Variants in PKNOX2 observed in about 807,000 individuals in gnomAD.
PKNOX2 encodes the protein PBX/knotted 1 homeobox 2.
A neutral mutation model predicts 53.1 loss-of-function variants in PKNOX2; 14 were observed. That is an observed-to-expected ratio of 0.26 (90% CI 0.17 to 0.41). The LOEUF (loss-of-function observed/expected upper bound fraction) is 0.41, where lower values mean the gene tolerates loss of function less well. PKNOX2 is among the 10% of genes least tolerant of loss of function. The pLI is 1.00. For synonymous variants in PKNOX2, 257 were observed against 242.8 expected, an observed-to-expected ratio of 1.06 and a Z score of -0.54; for missense variants, 496 against 602.8, an observed-to-expected ratio of 0.82 and a Z score of 1.85.
chr11:125,350,082 G>C (rs1591537886), intron 3 of PKNOX2, among the ~76,000 whole-genome samples: 1 of 152,146 alleles, frequency 6.6e-6, no homozygotes, highest in East Asian at 1.9e-4. Context: ...CCTCCACCCA[G>C]GAGAAGAACA....
At position 125,240,354 on chromosome 11, in the gene PKNOX2, A is replaced by G. The variant is rs1471450155; in HGVS notation, c.-130+5239A>G. On this transcript the variant is annotated intron_variant, in intron 2 of 12. Transcript: ENST00000298282. The surrounding 1 kb of genome is among the most constrained non-coding windows in gnomAD (Gnocchi z 4.3). ...TACGGATAATTTCGTTTGCCTAACGAGATTTTGCTAATTAAATCTCCTTTC... is the reference window on the plus strand; with the variant it reads ...TACGGATAATTTCGTTTGCCTAACGGGATTTTGCTAATTAAATCTCCTTTC... 6.6e-6 allele frequency: 1 copy of G among 152,152 alleles called. No homozygotes were observed. Among genetic ancestry groups the G allele is most frequent in the East Asian group, 1.9e-4 (1 of 5,190 alleles). 9.4% of individuals were successfully genotyped at this position (152,152 alleles called of 1,614,324 possible). A position where few individuals can be genotyped will look rare whatever the true frequency, so the allele number is the denominator to read the frequency against.
chr11:125,263,129 G>A (rs1212342335), intron 2 of PKNOX2, among the ~76,000 whole-genome samples: 1 of 152,190 alleles, frequency 6.6e-6, no homozygotes, highest in Non-Finnish European at 1.5e-5. Flanking sequence ...TGCCCTGGTT[G>A]TGTGACTGGG....
intron 2 of PKNOX2, among the ~76,000 whole-genome samples, chr11:125,282,863 C>T (rs1946654492): frequency 6.6e-6 from 1 of 152,184 alleles, no homozygotes; most frequent in Admixed American, 6.5e-5. Flanking sequence ...TTAAATTTCA[C>T]ATAGCCAGCC....
intron 1 of PKNOX2, among the ~76,000 whole-genome samples, chr11:125,168,813 T>C (rs1014464313): frequency 3.3e-5 from 5 of 152,248 alleles, no homozygotes; most frequent in Admixed American, 6.5e-5. Context: ...GTTAGAGGCT[T>C]AATAATACTG....
At chr11:125,315,353 T>G (rs1949108588) in intron 2 of PKNOX2, among the ~76,000 whole-genome samples, 1 of 145,668 alleles carries the variant, frequency 6.9e-6, no homozygotes, top group Non-Finnish European at 1.5e-5. Flanking sequence ...TTAAAATTGA[T>G]GCGTTATTAA....
At chr11:125,228,062 G>A (rs1941863294) in intron 1 of PKNOX2, among the ~76,000 whole-genome samples, 1 of 152,210 alleles carries the variant, frequency 6.6e-6, no homozygotes. Context: ...ACCTTGGGTA[G>A]TGTACTGCTC....
At chr11:125,225,498 C>T (rs1054669405) in intron 1 of PKNOX2, among the ~76,000 whole-genome samples, 1 of 152,120 alleles carries the variant, frequency 6.6e-6, no homozygotes, top group Non-Finnish European at 1.5e-5. Flanking sequence ...AAGAGTCTGC[C>T]CAGGCCCATC....
chr11:125,412,037 G>A (rs1156238713), intron 10 of PKNOX2, among the ~76,000 whole-genome samples, 172 bp downstream of exon 10: 1 of 152,192 alleles, frequency 6.6e-6, no homozygotes, highest in East Asian at 1.9e-4. Flanking sequence ...GGCTCAGGTG[G>A]GGCCTAAAGC....
At chr11:125,296,702 C>G (rs910515224) in intron 2 of PKNOX2, among the ~76,000 whole-genome samples, 1 of 152,194 alleles carries the variant, frequency 6.6e-6, no homozygotes, top group African/African-American at 2.4e-5. Context: ...ATGGCGCAAT[C>G]TTGCCTCACT....
At chr11:125,341,818 C>G (rs919629883) in intron 3 of PKNOX2, among the ~76,000 whole-genome samples, 1 of 152,268 alleles carries the variant, frequency 6.6e-6, no homozygotes, top group Non-Finnish European at 1.5e-5. Flanking sequence ...GGGTGCGAGT[C>G]TGTGTGGCCG....
chr11:125,313,055 C>G (rs911348683), intron 2 of PKNOX2, among the ~76,000 whole-genome samples: 1 of 152,050 alleles, frequency 6.6e-6, no homozygotes, highest in African/African-American at 2.4e-5. Flanking sequence ...CCGAGGGCAA[C>G]AGGGAGCTTA....
Position 125,301,767 on chromosome 11 carries a change from G to C in PKNOX2, c.-129-30052G>C, listed in dbSNP as rs368258626. On this transcript the variant is annotated intron_variant, in intron 2 of 12. Coordinates refer to ENST00000298282, the MANE Select transcript of PKNOX2 (RefSeq NM_001382323.2). ...GCAGGTGGTGCCAGGCCAGTGGAGA[G>C]GAGACAGAAGTGATTTTCTAGGACA... 1.6e-4 allele frequency among the ~76,000 whole-genome samples: 25 copies of C among 152,302 alleles called. No individual in the cohort carries two copies. The East Asian group carries it at 4.3e-3, about 26-fold the overall frequency.
At chr11:125,299,243 C>T (rs1439186498) in intron 2 of PKNOX2, among the ~76,000 whole-genome samples, 1 of 152,188 alleles carries the variant, frequency 6.6e-6, no homozygotes, top group Non-Finnish European at 1.5e-5. Flanking sequence ...ATGAGGAACC[C>T]ACCTCCACGA....
chr11:125,270,610 C>T (rs1466785716), intron 2 of PKNOX2, among the ~76,000 whole-genome samples: 1 of 152,084 alleles, frequency 6.6e-6, no homozygotes, highest in African/African-American at 2.4e-5. Flanking sequence ...AATGAGGGGA[C>T]AGCTAATACA....
intron 2 of PKNOX2, among the ~76,000 whole-genome samples, chr11:125,310,367 T>C (rs1948727727): frequency 6.6e-6 from 1 of 151,944 alleles, no homozygotes; most frequent in African/African-American, 2.4e-5. Context: ...TGGTGGCGCA[T>C]GCCTGTAATC....
chr11:125,399,266 G>T (rs757415817), intron 7 of PKNOX2, among the ~76,000 whole-genome samples: 1 of 152,156 alleles, frequency 6.6e-6, no homozygotes, highest in Non-Finnish European at 1.5e-5. Flanking sequence ...AAAAACACCC[G>T]CCCGGGCTTC....
At chr11:125,212,610 GACT>G (rs1427814593) in intron 1 of PKNOX2, among the ~76,000 whole-genome samples, 2 of 151,718 alleles carry the variant, frequency 1.3e-5, no homozygotes, top group Non-Finnish European at 2.9e-5. Context: ...GTTGCCAGGG[GACT>G]ACACTGAACA....
intron 1 of PKNOX2, among the ~76,000 whole-genome samples, chr11:125,231,081 A>T (rs1942164414): frequency 6.6e-6 from 1 of 152,214 alleles, no homozygotes; most frequent in Admixed American, 6.5e-5. Flanking sequence ...AGATGAGGAA[A>T]CTGAGGCATA....
chr11:125,236,332 G>A (rs943767613), intron 2 of PKNOX2, among the ~76,000 whole-genome samples: 2 of 147,368 alleles, frequency 1.4e-5, no homozygotes, highest in Admixed American at 6.8e-5. Flanking sequence ...GGGGTGTTGG[G>A]GGAAGGGTAC....
Sources: allele counts gnomAD v4.1 joint callset (sites outside exome capture counted in the v4.1 genomes callset), GRCh38; gene constraint gnomAD v4.1.1; non-coding constraint Gnocchi (gnomAD v3.1); transcripts MANE v1.5; gene names NCBI Gene and HGNC (gene_info 2026-07-23, HGNC 2026-07-21).